CCDC38: variants seen among roughly 807,000 people sequenced by gnomAD.
CCDC38 encodes the protein coiled-coil domain containing 38.
A neutral mutation model predicts 72.8 loss-of-function variants in CCDC38; 69 were observed. The ratio of observed to expected loss-of-function variants is 0.95; its 90% CI spans 0.78 to 1.16. The LOEUF (loss-of-function observed/expected upper bound fraction) is 1.16. Ranked by LOEUF, CCDC38 falls within the 50% of genes most tolerant of loss-of-function variation. CCDC38 has a pLI of 0.00. For missense variants in CCDC38, 626 were observed against 638.9 expected (o/e 0.98, Z 0.22); for synonymous variants, 201 against 213.2 (o/e 0.94, Z 0.50).
chr12:95,874,670 C>G (rs1400354820), intron 13 of CCDC38, among the ~76,000 whole-genome samples: 4 of 152,196 alleles, frequency 2.6e-5, no homozygotes, highest in Admixed American at 2.0e-4. Context: ...CCCACAGTAC[C>G]TCGGAGGAGG....
chr12:95,889,308 T>C (rs10745736), intron 9 of CCDC38: 118,845 of 152,232 alleles, frequency 0.78, 46,916 homozygotes, highest in African/African-American at 0.86. Flanking sequence ...CCGCACCCGG[T>C]CTGTCTCAGC....
At chr12:95,885,244 G>C (rs2079745959) in intron 10 of CCDC38, 1 of 153,220 alleles carries the variant, frequency 6.5e-6, no homozygotes, top group Non-Finnish European at 1.5e-5. Context: ...ACTCGACCCA[G>C]TCCTAAGACA....
intron 2 of CCDC38, chr12:95,933,931 A>C (rs1485849046): frequency 2.6e-5 from 4 of 152,188 alleles, no homozygotes; most frequent in Non-Finnish European, 5.9e-5. Context: ...TAATCCCAAT[A>C]GTTTGGGACA....
chr12:95,919,400 C>A, intron 2 of CCDC38: 1 of 399,810 alleles, frequency 2.5e-6, no homozygotes, highest in Non-Finnish European at 5.0e-6. Flanking sequence ...GCTATTGTTA[C>A]AGGGCATACT....
At chr12:95,871,582 C>T (rs184469885) in intron 14 of CCDC38, among the ~76,000 whole-genome samples, 2 of 152,182 alleles carry the variant, frequency 1.3e-5, no homozygotes, top group Admixed American at 6.5e-5. Flanking sequence ...CCTCAATGCA[C>T]AGATCTCCTT....
intron 2 of CCDC38, among the ~76,000 whole-genome samples, chr12:95,926,707 CT>C (rs2136732459): frequency 6.6e-6 from 1 of 151,568 alleles, no homozygotes; most frequent in South Asian, 2.1e-4. Context: ...CTACACACTG[CT>C]TTGGATGCGT....
At chr12:95,918,112 T>G in intron 3 of CCDC38, among the ~76,000 whole-genome samples, 1 of 152,216 alleles carries the variant, frequency 6.6e-6, no homozygotes, top group Non-Finnish European at 1.5e-5. Flanking sequence ...GACAAAGTCC[T>G]GTAATCAACT....
chr12:95,916,100 G>A (rs1017227156), intron 4 of CCDC38, among the ~76,000 whole-genome samples: 4 of 152,126 alleles, frequency 2.6e-5, no homozygotes, highest in East Asian at 1.9e-4. Context: ...CTACGGAGGC[G>A]AACTATGAGG....
At position 95,907,552 on chromosome 12, in the gene CCDC38, C is replaced by T. The variant is rs1169802119; in HGVS notation, c.305-1101G>A. Reference sequence around the variant, plus strand: ...CCGGGCAGAGGCGCCCCTCACCTCCCGGACGAGGCGGCTGGCCAGGCGGGG... The same window carrying T: ...CCGGGCAGAGGCGCCCCTCACCTCCTGGACGAGGCGGCTGGCCAGGCGGGG... On this transcript the variant is annotated intron_variant, in intron 4 of 15. Transcript: ENST00000344280. Among the ~76,000 whole-genome samples, 153 of 129,398 alleles carry T rather than the reference C, an allele frequency of 1.2e-3. 1 individual carries two copies. The highest frequency in any genetic ancestry group is 5.0e-3 in the African/African-American group (150 of 29,974). The allele number at this position is 129,398 out of a possible 152,430, so 84.9% of individuals were successfully genotyped here. A position where few individuals can be genotyped will look rare whatever the true frequency, so the allele number is the denominator to read the frequency against.
At chr12:95,876,141 G>A (rs2079632812) in intron 13 of CCDC38, among the ~76,000 whole-genome samples, 1 of 152,178 alleles carries the variant, frequency 6.6e-6, no homozygotes, top group South Asian at 2.1e-4. Flanking sequence ...CCTGATACAA[G>A]CTGCAACATG....
intron 8 of CCDC38, among the ~76,000 whole-genome samples, chr12:95,892,591 T>C (rs1209309765): frequency 6.6e-6 from 1 of 150,628 alleles, no homozygotes; most frequent in Non-Finnish European, 1.5e-5. Context: ...TTCTTTTTTT[T>C]TTTTTTTTTT....
At chr12:95,869,628 A>G in intron 14 of CCDC38, 55 bp from the exon 15 acceptor site, 4 of 1,314,022 alleles carry the variant, frequency 3.0e-6, no homozygotes, top group Non-Finnish European at 4.4e-6. Flanking sequence ...TGAGTAAGAA[A>G]AGTACATTAC....
intron 8 of CCDC38, 126 bp from the exon 9 acceptor site, chr12:95,891,056 T>C (rs756024450): frequency 2.9e-5 from 17 of 578,648 alleles, no homozygotes; most frequent in Non-Finnish European, 4.3e-5. Flanking sequence ...GACAGAAATA[T>C]AAGTTGGAGA....
intron 5 of CCDC38, among the ~76,000 whole-genome samples, chr12:95,900,039 G>A (rs1161491657): frequency 1.3e-5 from 2 of 152,176 alleles, no homozygotes; most frequent in African/African-American, 4.8e-5. Context: ...AGGGAGGAAT[G>A]TTCCTCCTAT....
intron 13 of CCDC38, among the ~76,000 whole-genome samples, chr12:95,875,386 A>T (rs1204906285): frequency 6.6e-6 from 1 of 152,120 alleles, no homozygotes; most frequent in Admixed American, 6.5e-5. Context: ...GTTATTTTAA[A>T]AGTGAAATAC....
chr12:95,871,539 G>A (rs548005069), intron 14 of CCDC38, among the ~76,000 whole-genome samples: 19 of 152,228 alleles, frequency 1.2e-4, no homozygotes, highest in Admixed American at 3.3e-4. Context: ...GTAAGTGAAC[G>A]CATTCTGAAA....
chr12:95,890,702 T>C, intron 9 of CCDC38, 130 bp downstream of exon 9: 2 of 557,852 alleles, frequency 3.6e-6, no homozygotes, highest in South Asian at 4.9e-5. Flanking sequence ...CCAGAGCCCC[T>C]GGCTGCTAGG....
At chr12:95,893,441 C>CCCTTCCTT (rs1176904801) in intron 8 of CCDC38, among the ~76,000 whole-genome samples, 2 of 72,046 alleles carry the variant, frequency 2.8e-5, no homozygotes, top group African/African-American at 5.7e-5. Flanking sequence ...CTCCCTCCCT[C>CCCTTCCTT]CCTTCCTTCC....
chr12:95,897,470 C>T lies in CCDC38; in HGVS notation c.614+915G>A, dbSNP rs1049561791. ...CCAAAAATACAAAAAATGAGCCAAGCGTGGAGGTGGGCACCTGTAATCCCA... is the reference window on the plus strand; with the variant it reads ...CCAAAAATACAAAAAATGAGCCAAGTGTGGAGGTGGGCACCTGTAATCCCA... On this transcript the variant is annotated intron_variant, in intron 7 of 15. Coordinates refer to ENST00000344280, the MANE Select transcript of CCDC38 (RefSeq NM_182496.3). 3.3e-5 allele frequency among the ~76,000 whole-genome samples: 5 copies of T among 151,634 alleles called. No homozygotes were observed. In the East Asian group the frequency reaches 7.7e-4, roughly 24 times the overall value.
Sources: gnomAD v4.1 joint callset for allele counts (sites outside exome capture counted in the v4.1 genomes callset) on GRCh38, gnomAD v4.1.1 for gene constraint, MANE v1.5 for transcripts, NCBI Gene and HGNC (gene_info 2026-07-23, HGNC 2026-07-21) for gene names.